Variants in G3BP2 observed in about 807,000 individuals in gnomAD.
The protein encoded by G3BP2 is ras GTPase-activating protein-binding protein 2.
In G3BP2, 11 loss-of-function variants were observed where a neutral mutation model predicts 56.7. The observed-to-expected ratio is 0.19, with a 90% CI of 0.12 to 0.32. The LOEUF (loss-of-function observed/expected upper bound fraction) is 0.32. G3BP2 is among the 10% of genes least tolerant of loss of function. The probability of loss-of-function intolerance (pLI) is 1.00; values close to 1 mark genes in which losing one functional copy is unlikely to be tolerated. For missense variants in G3BP2, 340 were observed against 610.9 expected (o/e 0.56, Z 4.67); for synonymous variants, 165 against 191.6 (o/e 0.86, Z 1.15).
At chr4:75,693,416 G>A (rs1718953762) in intron 3 of G3BP2, among the ~76,000 whole-genome samples, 1 of 151,970 alleles carries the variant, frequency 6.6e-6, no homozygotes, top group Admixed American at 6.6e-5. Flanking sequence ...CCAGTTTTTT[G>A]CAGCTACAAC....
chr4:75,708,869 G>C (rs990385935), intron 3 of G3BP2, among the ~76,000 whole-genome samples: 2 of 152,194 alleles, frequency 1.3e-5, no homozygotes, highest in Admixed American at 6.5e-5. Context: ...CCAGTACTTT[G>C]GGAAGCCAAG....
intron 3 of G3BP2, among the ~76,000 whole-genome samples, chr4:75,689,375 CAAA>C (rs1016188020): frequency 1.8e-5 from 2 of 109,808 alleles, no homozygotes; most frequent in African/African-American, 3.4e-5. Context: ...GACTCCATCT[CAAA>C]AAAAAAAAAA....
Position 75,645,715 on chromosome 4 carries a change from G to A in G3BP2, c.1177-13C>T, listed in dbSNP as rs760024657. 33 of 1,610,332 alleles carry A rather than the reference G, an allele frequency of 2.0e-5. No individual in the cohort carries two copies. The highest frequency in any genetic ancestry group is 2.7e-5 in the Non-Finnish European group (32 of 1,177,816). On this transcript the variant is annotated splice_polypyrimidine_tract_variant and intron_variant, in intron 11 of 11. Transcript: ENST00000359707. ...GAAACATAATCGGCTTTATAAAAGA[G>A]AAGAAAAATATTTACATGGGCAGGT...
chr4:75,669,263 G>A (rs768949394), intron 1 of G3BP2, among the ~76,000 whole-genome samples: 1 of 152,088 alleles, frequency 6.6e-6, no homozygotes, highest in African/African-American at 2.4e-5. Flanking sequence ...ACCCACATAT[G>A]TCCCAATACA....
chr4:75,705,626 G>A (rs1719516327), intron 3 of G3BP2, among the ~76,000 whole-genome samples: 1 of 152,184 alleles, frequency 6.6e-6, no homozygotes, highest in African/African-American at 2.4e-5. Flanking sequence ...AAGGCAGGCT[G>A]GGAAGGAGAG....
intron 3 of G3BP2, among the ~76,000 whole-genome samples, chr4:75,704,669 G>A (rs180892552): frequency 2.0e-5 from 3 of 151,878 alleles, no homozygotes; most frequent in Admixed American, 1.3e-4. Flanking sequence ...GCCTTGCTCT[G>A]TCACCCAGGC....
At chr4:75,708,112 A>G (rs1225035744) in intron 3 of G3BP2, among the ~76,000 whole-genome samples, 1 of 152,160 alleles carries the variant, frequency 6.6e-6, no homozygotes, top group Non-Finnish European at 1.5e-5. Context: ...ACCCTTTTCA[A>G]TTTCAAACCA....
intron 1 of G3BP2, among the ~76,000 whole-genome samples, chr4:75,664,385 T>C (rs576428165): frequency 1.3e-5 from 2 of 151,818 alleles, no homozygotes; most frequent in Non-Finnish European, 2.9e-5. Flanking sequence ...GAGACCAGCC[T>C]GGCCAAAATG....
chr4:75,675,331 GT>G (rs1733832360), upstream of G3BP2, among the ~76,000 whole-genome samples: 1 of 152,164 alleles, frequency 6.6e-6, no homozygotes, highest in African/African-American at 2.4e-5. Flanking sequence ...CTCTAGAGCA[GT>G]GGTTCTCAGA....
upstream of G3BP2, chr4:75,673,443 T>A (rs1344768492): frequency 8.1e-6 from 10 of 1,232,086 alleles, no homozygotes; most frequent in South Asian, 2.1e-4. Context: ...CCCCTCTTAT[T>A]GTTTTACCCC....
rs1258428588 is a variant in G3BP2, at chr4:75,673,376, G to A, written c.-193C>T. The stretch of plus-strand genomic sequence containing the variant: ...GCCTCACAACCACCTCTTCCCGGGC[G>A]CCAGGCGCTGCGACGTGCGACAAGG... On this transcript the variant is annotated 5_prime_UTR_variant, in exon 1 of 12. Coordinates refer to ENST00000359707, the MANE Select transcript of G3BP2 (RefSeq NM_203505.3). The A allele has an allele frequency of 1.5e-5, 18 of 1,231,030 alleles. No individual in the cohort carries two copies. Among genetic ancestry groups the A allele is most frequent in the Non-Finnish European group, 1.6e-5 (16 of 987,890 alleles). The allele number at this position is 1,231,030 out of a possible 1,614,324, so 76.3% of individuals were successfully genotyped here. A position where few individuals can be genotyped will look rare whatever the true frequency, so the allele number is the denominator to read the frequency against.
intron 1 of G3BP2, among the ~76,000 whole-genome samples, chr4:75,666,700 A>C (rs568967687): frequency 2.6e-5 from 4 of 152,350 alleles, no homozygotes; most frequent in African/African-American, 9.6e-5. Flanking sequence ...AGAAAAAGGA[A>C]AAAAGCCAAA....
At chr4:75,718,103 T>C (rs988850537) in intron 3 of G3BP2, among the ~76,000 whole-genome samples, 1 of 150,550 alleles carries the variant, frequency 6.6e-6, no homozygotes, top group African/African-American at 2.5e-5. Context: ...ATCACTGCAC[T>C]CCAGCCTGGA....
chr4:75,719,721 C>T (rs985618614), intron 3 of G3BP2, among the ~76,000 whole-genome samples: 10 of 151,946 alleles, frequency 6.6e-5, no homozygotes, highest in African/African-American at 2.4e-4. Flanking sequence ...TCCCGAGTAG[C>T]TAGGATTACA....
At chr4:75,669,347 C>T (rs965508611) in intron 1 of G3BP2, among the ~76,000 whole-genome samples, 8 of 152,236 alleles carry the variant, frequency 5.3e-5, no homozygotes, top group Admixed American at 2.0e-4. Context: ...AAAGCTCAGT[C>T]GTGACTTTCT....
At chr4:75,661,167 C>G (rs1732520890) in intron 2 of G3BP2, among the ~76,000 whole-genome samples, 1 of 152,154 alleles carries the variant, frequency 6.6e-6, no homozygotes, top group Non-Finnish European at 1.5e-5. Flanking sequence ...CTCACTCTGT[C>G]ACCCAGGCTG....
chr4:75,676,263 C>T (rs942589147), upstream of G3BP2, among the ~76,000 whole-genome samples: 5 of 151,790 alleles, frequency 3.3e-5, no homozygotes, highest in African/African-American at 1.2e-4. Flanking sequence ...CCAGTGTGAA[C>T]GGTATTCATT....
chr4:75,714,246 T>C (rs1197381621), intron 3 of G3BP2, among the ~76,000 whole-genome samples: 2 of 152,256 alleles, frequency 1.3e-5, no homozygotes, highest in African/African-American at 2.4e-5. Flanking sequence ...TCTTTAGTAA[T>C]TAGACACTGA....
chr4:75,662,143 G>A (rs1732612032), intron 1 of G3BP2, 94 bp from the exon 2 acceptor site: 2 of 693,870 alleles, frequency 2.9e-6, no homozygotes, highest in South Asian at 3.7e-5. Context: ...TTTAGCAGTG[G>A]GGAGTTGTAT....
Sources: gnomAD v4.1 joint callset for allele counts (sites outside exome capture counted in the v4.1 genomes callset) on GRCh38, gnomAD v4.1.1 for gene constraint, MANE v1.5 for transcripts, NCBI Gene and HGNC (gene_info 2026-07-23, HGNC 2026-07-21) for gene names.